OR6J1: variants seen among roughly 807,000 people sequenced by gnomAD.
The protein encoded by OR6J1 is olfactory receptor family 6 subfamily J member 1.
For missense variants in OR6J1, 304 were observed against 166.8 expected (o/e 1.82, Z -4.53); for synonymous variants, 109 against 70.0 (o/e 1.56, Z -2.78).
rs958934690 is a variant in OR6J1, at chr14:22,633,894, C to A, written c.918G>T (p.Arg306Ser). The A allele has an allele frequency of 1.4e-6, 1 of 702,808 alleles. No individual in the cohort carries two copies. Among genetic ancestry groups the A allele is most frequent in the African/African-American group, 1.7e-5 (1 of 57,222 alleles). The allele number at this position is 702,808 out of a possible 1,614,324, so 43.5% of individuals were successfully genotyped here. A position where few individuals can be genotyped will look rare whatever the true frequency, so the allele number is the denominator to read the frequency against. ...VQGVLRDVWV[R>S]VRGVFEKRMR... Reference sequence around the variant, plus strand: ...TCCTCTTTTCAAAAACTCCTCGAACCCTGACCCACACATCCCTGAGGACTC... The same window carrying A: ...TCCTCTTTTCAAAAACTCCTCGAACACTGACCCACACATCCCTGAGGACTC... The change falls in exon 2 of 2, where the codon AGG becomes AGT. Residue 306 changes from arginine to serine, a missense_variant. Arg to Ser is a moderately radical substitution (Grantham distance 110). Coordinates refer to ENST00000540461, the MANE Select transcript of OR6J1 (RefSeq NM_001348233.2).
chr14:22,643,825 G>A (rs1399931829), intron 1 of OR6J1, among the ~76,000 whole-genome samples: 2 of 132,392 alleles, frequency 1.5e-5, no homozygotes, highest in African/African-American at 2.8e-5. Context: ...GTAGATATAT[G>A]CACAGTCTGT....
intron 1 of OR6J1, among the ~76,000 whole-genome samples, chr14:22,639,694 G>T (rs1223950125): frequency 4.0e-5 from 5 of 124,126 alleles, no homozygotes; most frequent in African/African-American, 1.3e-4. Context: ...CCCCCAACCC[G>T]GTGCTCTCTG....
intron 1 of OR6J1, among the ~76,000 whole-genome samples, chr14:22,641,346 G>GA (rs1176600547): frequency 1.4e-5 from 2 of 143,334 alleles, no homozygotes; most frequent in African/African-American, 5.1e-5. Flanking sequence ...AGGAGGGAGG[G>GA]AGGGAAGAAA....
intron 1 of OR6J1, among the ~76,000 whole-genome samples, chr14:22,637,104 A>G (rs1317697419): frequency 1.9e-5 from 2 of 106,584 alleles, no homozygotes; most frequent in South Asian, 2.7e-4. Flanking sequence ...GCTGGCCGCA[A>G]CCCTGTCTGA....
intron 1 of OR6J1, among the ~76,000 whole-genome samples, chr14:22,636,558 A>G (rs1400704626): frequency 3.5e-5 from 4 of 114,884 alleles, no homozygotes; most frequent in Admixed American, 7.9e-5. Context: ...TTGCAGGCGC[A>G]CGCCGCCACG....
chr14:22,641,365 G>A (rs948651352), intron 1 of OR6J1, among the ~76,000 whole-genome samples: 11 of 117,884 alleles, frequency 9.3e-5, no homozygotes, highest in Non-Finnish European at 1.8e-4. Context: ...AAGAAAGAAA[G>A]GGGGGAGAGA....
rs2037674497 is a variant in OR6J1, at chr14:22,644,326, G to C, written c.-256C>G. ...CATGCACTTGTGTTGTAGACAGCTG[G>C]AAGGTACATGTTGGATTTTTACACT... On this transcript the variant is annotated 5_prime_UTR_variant, in exon 1 of 2. Transcript: ENST00000540461. The C allele has an allele frequency of 6.6e-6, 1 of 152,148 alleles. No homozygotes were observed. Among genetic ancestry groups the C allele is most frequent in the Non-Finnish European group, 1.5e-5 (1 of 68,048 alleles). 9.4% of individuals were successfully genotyped at this position (152,148 alleles called of 1,614,324 possible).
Position 22,631,453 on chromosome 14 carries a change from G to C in OR6J1, c.*2315C>G, listed in dbSNP as rs1199008871. ...AGTGATATTCCTCCCATTTGCTTTT[G>C]AAAGAAGAGAAATATGGCTCTGTTC... On this transcript the variant is annotated 3_prime_UTR_variant, in exon 2 of 2. Coordinates refer to ENST00000540461, the MANE Select transcript of OR6J1 (RefSeq NM_001348233.2). The C allele has an allele frequency of 6.6e-6, 1 of 152,206 alleles. No homozygotes were observed. The highest frequency in any genetic ancestry group is 1.5e-5 in the Non-Finnish European group (1 of 68,044). 9.4% of individuals were successfully genotyped at this position (152,206 alleles called of 1,614,324 possible).
At position 22,641,258 on chromosome 14, in the gene OR6J1, A is replaced by G. The variant is rs1474795249; in HGVS notation, c.-28+2840T>C. On this transcript the variant is annotated intron_variant, in intron 1 of 1. Transcript: ENST00000540461. ...GAAAGAAAGAAAGAAAGAAAGAAAG[A>G]AAGAAAGAAAGGAAGGAAGGAAGAA... Among the ~76,000 whole-genome samples the G allele has an allele frequency of 6.0e-5, 7 of 116,206 alleles. 2 individuals carry two copies. The highest frequency in any genetic ancestry group is 2.6e-4 in the East Asian group (1 of 3,886). 76.2% of individuals were successfully genotyped at this position (116,206 alleles called of 152,430 possible).
chr14:22,641,000 C>T (rs2037640828), intron 1 of OR6J1, among the ~76,000 whole-genome samples: 1 of 151,008 alleles, frequency 6.6e-6, no homozygotes, highest in Non-Finnish European at 1.5e-5. Context: ...GAAACTCTGC[C>T]TCTATGAAAA....
rs1444552500 is a variant in OR6J1 at position 22,637,922 on chromosome 14, C to T, written c.-27-3084G>A. ...GGAGGTGGGGGGGTCAGCCCCCGCC[C>T]GGCCGGCCGCCCCGTCCGGGAGGTG... On this transcript the variant is annotated intron_variant, in intron 1 of 1. Coordinates refer to ENST00000540461, the MANE Select transcript of OR6J1 (RefSeq NM_001348233.2). Among the ~76,000 whole-genome samples the T allele has an allele frequency of 1.7e-4, 11 of 65,422 alleles. No individual in the cohort carries two copies. In the East Asian group the frequency reaches 1.8e-3, roughly 11 times the overall value. 42.9% of individuals were successfully genotyped at this position (65,422 alleles called of 152,430 possible). A position where few individuals can be genotyped will look rare whatever the true frequency, so the allele number is the denominator to read the frequency against.
intron 1 of OR6J1, among the ~76,000 whole-genome samples, chr14:22,635,180 T>C (rs1171283056): frequency 6.6e-6 from 1 of 152,204 alleles, no homozygotes; most frequent in Non-Finnish European, 1.5e-5. Flanking sequence ...ATGGATATGT[T>C]AAAAAGATTT....
In OR6J1 at chr14:22,634,845, G is replaced by T; in HGVS notation, c.-27-7C>A. ...TGGGCCTGGCTCAATTCTCCTAACA[G>T]AACAAAGGGAGATAACACTTAAGAG... On this transcript the variant is annotated splice_polypyrimidine_tract_variant and splice_region_variant and intron_variant, in intron 1 of 1. Coordinates refer to ENST00000540461, the MANE Select transcript of OR6J1 (RefSeq NM_001348233.2). 1.6e-6 allele frequency: 1 copy of T among 639,752 alleles called. No homozygotes were observed. Among genetic ancestry groups the T allele is most frequent in the Non-Finnish European group, 2.8e-6 (1 of 356,502 alleles). The allele number at this position is 639,752 out of a possible 1,614,324, so 39.6% of individuals were successfully genotyped here.
intron 1 of OR6J1, among the ~76,000 whole-genome samples, chr14:22,637,581 A>C (rs1176290369): frequency 2.6e-5 from 1 of 38,768 alleles, no homozygotes; most frequent in African/African-American, 1.7e-4. Context: ...TCCGGGAGGG[A>C]GGTGGGGGGG....
chr14:22,635,283 T>C (rs2091269337), intron 1 of OR6J1, among the ~76,000 whole-genome samples: 2 of 152,194 alleles, frequency 1.3e-5, no homozygotes, highest in African/African-American at 4.8e-5. Context: ...ATAAACAAAT[T>C]ATGGTACCTT....
At chr14:22,635,180 TA>T (rs773454704) in intron 1 of OR6J1, among the ~76,000 whole-genome samples, 1 of 152,204 alleles carries the variant, frequency 6.6e-6, no homozygotes, top group Admixed American at 6.5e-5. Flanking sequence ...ATGGATATGT[TA>T]AAAAGATTTT....
intron 1 of OR6J1, among the ~76,000 whole-genome samples, chr14:22,642,257 A>C (rs182880298): frequency 2.7e-5 from 4 of 148,800 alleles, no homozygotes; most frequent in Admixed American, 1.3e-4. Flanking sequence ...TATACAATTC[A>C]ATAGCTTTTA....
intron 1 of OR6J1, among the ~76,000 whole-genome samples, chr14:22,637,742 AGCCCCCCGCCTG>A (rs2037603551): frequency 2.9e-5 from 2 of 68,608 alleles, no homozygotes; most frequent in South Asian, 4.7e-4. Flanking sequence ...TGGGGGGATC[AGCCCCCCGCCTG>A]GCCAGCCGCC....
intron 1 of OR6J1, among the ~76,000 whole-genome samples, chr14:22,639,380 C>T (rs2037624746): frequency 7.8e-6 from 1 of 128,772 alleles, no homozygotes; most frequent in Admixed American, 7.2e-5. Flanking sequence ...AGCCCCCCGC[C>T]CGGCCAGCCG....
Sources: allele counts gnomAD v4.1 joint callset (sites outside exome capture counted in the v4.1 genomes callset), GRCh38; gene constraint gnomAD v4.1.1; transcripts MANE v1.5; gene names NCBI Gene and HGNC (gene_info 2026-07-23, HGNC 2026-07-21).